The following CDH2 variants were observed in gnomAD, a reference collection of about 807,000 sequenced individuals.
CDH2 encodes cadherin 2, also known as cadherin-2.
CDH2 carries 17 observed loss-of-function variants against 92.0 expected under a neutral mutation model. That is an observed-to-expected ratio of 0.18 (90% CI 0.13 to 0.28). CDH2 has a LOEUF of 0.28. Among genes scored for constraint, CDH2 ranks in the 10% least tolerant of loss-of-function variants. The pLI is 1.00. For synonymous variants in CDH2, 419 were observed against 415.9 expected, an observed-to-expected ratio of 1.01 and a Z score of -0.09; for missense variants, 862 against 1,133.1, an observed-to-expected ratio of 0.76 and a Z score of 3.44.
chr18:28,171,184 C>T (rs2016459515), intron 1 of CDH2, among the ~76,000 whole-genome samples: 1 of 149,342 alleles, frequency 6.7e-6, no homozygotes, highest in Admixed American at 6.8e-5. Flanking sequence ...TGAGCCAAGA[C>T]TGTGCCACTG....
intron 14 of CDH2, among the ~76,000 whole-genome samples, chr18:27,966,062 T>C (rs536505465): frequency 8.6e-6 from 1 of 115,998 alleles, no homozygotes; most frequent in South Asian, 2.7e-4. Flanking sequence ...AAAAATAAAA[T>C]ATGTTTTTTC....
chr18:28,170,487 G>A (rs989056718), intron 1 of CDH2, among the ~76,000 whole-genome samples: 3 of 152,010 alleles, frequency 2.0e-5, no homozygotes, highest in South Asian at 4.2e-4. Flanking sequence ...CTAAGATTAC[G>A]GGTGCCTACC....
chr18:28,031,557 C>G (rs778776713), intron 2 of CDH2, among the ~76,000 whole-genome samples: 1 of 151,870 alleles, frequency 6.6e-6, no homozygotes, highest in Non-Finnish European at 1.5e-5. Flanking sequence ...TCCTCTTCTC[C>G]TAGCTCACTG....
At chr18:28,165,984 C>G (rs539922182) in intron 1 of CDH2, among the ~76,000 whole-genome samples, 2 of 151,204 alleles carry the variant, frequency 1.3e-5, no homozygotes, top group South Asian at 4.2e-4. Context: ...CCACAAAACA[C>G]ATAGAAAAGT....
intron 2 of CDH2, among the ~76,000 whole-genome samples, chr18:28,138,767 C>T (rs1330609694): frequency 6.6e-6 from 1 of 151,956 alleles, no homozygotes; most frequent in African/African-American, 2.4e-5. Context: ...TGAATGCCCT[C>T]CGAGCAAAAA....
At chr18:28,022,846 C>T (rs940671242) in intron 2 of CDH2, among the ~76,000 whole-genome samples, 1 of 151,930 alleles carries the variant, frequency 6.6e-6, no homozygotes, top group Non-Finnish European at 1.5e-5. Context: ...TTAACTTTTG[C>T]TTTATATCTA....
At chr18:27,952,426 G>C in intron 15 of CDH2, 67 bp from the exon 16 acceptor site, 1 of 1,227,536 alleles carries the variant, frequency 8.1e-7, no homozygotes, top group Non-Finnish European at 1.2e-6. Flanking sequence ...ACCACAAGCA[G>C]ATCCTAATGA....
intron 1 of CDH2, among the ~76,000 whole-genome samples, chr18:28,169,244 C>G (rs2016430036): frequency 6.6e-6 from 1 of 152,064 alleles, no homozygotes. Context: ...CTGACAATTA[C>G]CAAATATAAA....
chr18:28,020,597 T>C (rs1383491673), intron 2 of CDH2, among the ~76,000 whole-genome samples: 1 of 152,032 alleles, frequency 6.6e-6, no homozygotes, highest in Non-Finnish European at 1.5e-5. Flanking sequence ...GAACAAGATT[T>C]TCAACTTTTA....
At chr18:28,139,977 G>A (rs985513198) in intron 2 of CDH2, among the ~76,000 whole-genome samples, 4 of 151,778 alleles carry the variant, frequency 2.6e-5, no homozygotes, top group African/African-American at 9.7e-5. Context: ...CCAAGCTCCC[G>A]ATCTTCTCTA....
chr18:27,980,976 CATAACT>C (rs909803059), intron 14 of CDH2, among the ~76,000 whole-genome samples: 6 of 152,082 alleles, frequency 3.9e-5, no homozygotes, highest in Non-Finnish European at 7.4e-5. Context: ...TCTTTCCTAA[CATAACT>C]ATAACAATAC....
chr18:28,119,106 C>T (rs1429464476), intron 2 of CDH2, among the ~76,000 whole-genome samples: 1 of 152,006 alleles, frequency 6.6e-6, no homozygotes, highest in Admixed American at 6.6e-5. Flanking sequence ...GCAACCAAGT[C>T]CAAAGTGGGT....
At chr18:28,126,397 C>T (rs1196750911) in intron 2 of CDH2, among the ~76,000 whole-genome samples, 1 of 151,968 alleles carries the variant, frequency 6.6e-6, no homozygotes, top group South Asian at 2.1e-4. Flanking sequence ...AATACATCAT[C>T]TTCTATTTAC....
intron 2 of CDH2, among the ~76,000 whole-genome samples, chr18:28,037,328 G>A (rs751963537): frequency 6.6e-6 from 1 of 152,142 alleles, no homozygotes; most frequent in Admixed American, 6.6e-5. Context: ...TACACACCAT[G>A]AAACTTTCTG....
intron 2 of CDH2, among the ~76,000 whole-genome samples, chr18:28,065,485 CT>C (rs1049506501): frequency 1.3e-5 from 2 of 152,162 alleles, no homozygotes; most frequent in African/African-American, 2.4e-5. Flanking sequence ...AAAAGGACTG[CT>C]TTTTCAACAA....
chr18:27,937,634 C>A (rs1030556129), intron 6 of CDH2, among the ~76,000 whole-genome samples: 1 of 152,134 alleles, frequency 6.6e-6, no homozygotes, highest in Non-Finnish European at 1.5e-5. Flanking sequence ...TTTCTAAATT[C>A]TCTTCCCTAT....
chr18:28,026,393 A>T (rs1324999468), intron 2 of CDH2, among the ~76,000 whole-genome samples: 1 of 152,194 alleles, frequency 6.6e-6, no homozygotes, highest in Non-Finnish European at 1.5e-5. Flanking sequence ...TGGCTTGAAC[A>T]GGCTGAGAAA....
At chr18:28,070,214 G>C (rs552838106) in intron 2 of CDH2, among the ~76,000 whole-genome samples, 1 of 152,274 alleles carries the variant, frequency 6.6e-6, no homozygotes, top group South Asian at 2.1e-4. Flanking sequence ...AGAGTAAAAA[G>C]TTGCATAGAA....
chr18:28,165,444 A>C (rs1243784666), intron 1 of CDH2, among the ~76,000 whole-genome samples: 1 of 152,198 alleles, frequency 6.6e-6, no homozygotes, highest in Non-Finnish European at 1.5e-5. Flanking sequence ...CTCTGGCCTC[A>C]GCCTCCCAAA....
Sources: allele counts gnomAD v4.1 joint callset (sites outside exome capture counted in the v4.1 genomes callset), GRCh38; gene constraint gnomAD v4.1.1; transcripts MANE v1.5; gene names NCBI Gene and HGNC (gene_info 2026-07-23, HGNC 2026-07-21).